Variants in UGGT2 observed in about 807,000 individuals in gnomAD.
UGGT2 encodes the protein UDP-glucose glycoprotein glucosyltransferase 2, also known as UDP-glucose:glycoprotein glucosyltransferase 2.
In UGGT2, 180 loss-of-function variants were observed where a neutral mutation model predicts 192.1. That is an observed-to-expected ratio of 0.94 (90% CI 0.83 to 1.06). The LOEUF (loss-of-function observed/expected upper bound fraction) is 1.06. UGGT2 is among the 50% of genes least tolerant of loss of function. The pLI is 0.00. For synonymous variants in UGGT2, 580 were observed against 591.0 expected (o/e 0.98, Z 0.27); for missense variants, 1,849 against 1,795.7 (o/e 1.03, Z -0.54).
intron 1 of UGGT2, among the ~76,000 whole-genome samples, chr13:96,050,867 C>G (rs1406914943): frequency 6.6e-6 from 1 of 152,180 alleles, no homozygotes; most frequent in African/African-American, 2.4e-5. Flanking sequence ...AATAGGGACA[C>G]TTTTACACTG....
chr13:96,050,834 A>G (rs1350227141), intron 1 of UGGT2, among the ~76,000 whole-genome samples: 1 of 152,210 alleles, frequency 6.6e-6, no homozygotes, highest in Non-Finnish European at 1.5e-5. Flanking sequence ...AGGAAACAAC[A>G]GGTGCTGGAG....
rs565296622 is a variant in UGGT2 at position 95,989,228 on chromosome 13, TTATAG to T, written c.931+740_931+744del. Among the ~76,000 whole-genome samples, 228 of 152,282 alleles carry T rather than the reference TTATAG, an allele frequency of 1.5e-3. 1 individual carries two copies. The highest frequency in any genetic ancestry group is 5.3e-3 in the African/African-American group (222 of 41,586). On this transcript the variant is annotated intron_variant, in intron 8 of 38. Coordinates refer to ENST00000376747, the MANE Select transcript of UGGT2 (RefSeq NM_020121.4). ...GAACGTATTAGTATGAATAGTATTA[TTATAG>T]TAATGTCATTATTTACATCACTAAT...
intron 5 of UGGT2, among the ~76,000 whole-genome samples, chr13:96,005,342 C>T (rs867066954): frequency 2.6e-5 from 4 of 152,134 alleles, no homozygotes; most frequent in African/African-American, 9.7e-5. Flanking sequence ...TGTGGGCTAA[C>T]GTGAGAGTGT....
At chr13:95,916,279 A>C (rs1030308367) in intron 20 of UGGT2, among the ~76,000 whole-genome samples, 8 of 152,334 alleles carry the variant, frequency 5.3e-5, no homozygotes, top group African/African-American at 1.9e-4. Context: ...TAGGGTCTGG[A>C]GTGAACCCTC....
At chr13:95,926,292 T>G (rs1306828409) in intron 19 of UGGT2, among the ~76,000 whole-genome samples, 1 of 152,144 alleles carries the variant, frequency 6.6e-6, no homozygotes, top group Admixed American at 6.5e-5. Flanking sequence ...TTACAAGAAC[T>G]GGTTGTGTGG....
At chr13:95,907,124 C>T (rs951778629) in intron 20 of UGGT2, among the ~76,000 whole-genome samples, 1 of 152,240 alleles carries the variant, frequency 6.6e-6, no homozygotes, top group African/African-American at 2.4e-5. Context: ...CCCGACACGG[C>T]AGGTCCCACA....
intron 5 of UGGT2, among the ~76,000 whole-genome samples, chr13:96,011,762 T>C (rs1035550912): frequency 6.6e-6 from 1 of 152,108 alleles, no homozygotes; most frequent in South Asian, 2.1e-4. Flanking sequence ...TGACTCTGTG[T>C]GATTGTTGAA....
chr13:95,846,755 G>GTTA (rs986655869), intron 36 of UGGT2, among the ~76,000 whole-genome samples: 24 of 152,192 alleles, frequency 1.6e-4, no homozygotes, highest in African/African-American at 5.8e-4. Flanking sequence ...TGTTATTCAG[G>GTTA]TTACCTATTT....
rs1485674461 is a variant in UGGT2 at position 95,996,088 on chromosome 13, G to C, written c.805C>G (p.Gln269Glu). 6.2e-7 allele frequency: 1 copy of C among 1,613,354 alleles called. No homozygotes were observed. Among genetic ancestry groups the C allele is most frequent in the African/African-American group, 1.3e-5 (1 of 74,838 alleles). The change falls in exon 7 of 39, where the codon CAA becomes GAA. Residue 269 changes from glutamine (Q) to glutamate (E), a missense_variant. Physicochemically the swap from Gln to Glu is conservative, Grantham distance 29 (BLOSUM62 2). Coordinates refer to ENST00000376747, the MANE Select transcript of UGGT2 (RefSeq NM_020121.4). ...VEDETETNEVQGFLFGKLKEI... is the reference protein window; with the variant it reads ...VEDETETNEVEGFLFGKLKEI... ...TTTAGTTTCCCAAAGAGAAATCCTT[G>C]AACTTCATTTGTTTCAGTCTCATCC...
chr13:95,996,179 A>C, intron 6 of UGGT2, 44 bp from the exon 7 acceptor site: 2 of 1,537,120 alleles, frequency 1.3e-6, no homozygotes, highest in Non-Finnish European at 1.8e-6. Context: ...AAATATTTTC[A>C]GACTGGGAAA....
intron 17 of UGGT2, 134 bp from the exon 18 acceptor site, chr13:95,927,470 CTTTTTT>C: frequency 8.3e-6 from 2 of 242,410 alleles, no homozygotes; most frequent in Non-Finnish European, 1.3e-5. Flanking sequence ...CATTTTCTTT[CTTTTTT>C]TTTTTTTTTT....
rs1165663103 is a variant in UGGT2, at chr13:95,837,017, A to G, written c.4401+69T>C. On this transcript the variant is annotated intron_variant, in intron 37 of 38. Transcript: ENST00000376747. ...ACGTATGCCACTCCCTTTGTAAAAC[A>G]GAAAGAAAATATTTCTATTTAAACA... 10 of 1,231,674 alleles carry G rather than the reference A, an allele frequency of 8.1e-6. No homozygotes were observed. In the Admixed American group the frequency reaches 1.2e-4, roughly 15 times the overall value. The allele number at this position is 1,231,674 out of a possible 1,614,324, so 76.3% of individuals were successfully genotyped here. A position where few individuals can be genotyped will look rare whatever the true frequency, so the allele number is the denominator to read the frequency against.
intron 5 of UGGT2, among the ~76,000 whole-genome samples, chr13:96,000,782 T>G (rs934656626): frequency 6.6e-6 from 1 of 152,170 alleles, no homozygotes; most frequent in African/African-American, 2.4e-5. Flanking sequence ...CATTTGGAAG[T>G]GTGTTGATAT....
rs531891251 is a variant in UGGT2, at chr13:96,007,455, A to G, written c.660+5852T>C. Among the ~76,000 whole-genome samples the G allele has an allele frequency of 3.9e-5, 6 of 152,334 alleles. No homozygotes were observed. The South Asian group carries it at 1.0e-3, about 26-fold the overall frequency. On this transcript the variant is annotated intron_variant, in intron 5 of 38. Coordinates refer to ENST00000376747, the MANE Select transcript of UGGT2 (RefSeq NM_020121.4). ...TAATACTAGAAGCCTTAGCCAGAGT[A>G]ATAAGGCAAGAGAAATAAATAAAGG...
At chr13:95,988,934 ATAT>A (rs1340840544) in intron 8 of UGGT2, among the ~76,000 whole-genome samples, 1 of 152,166 alleles carries the variant, frequency 6.6e-6, no homozygotes, top group African/African-American at 2.4e-5. Context: ...GAAATATAAA[ATAT>A]TATTTGTATG....
chr13:95,997,412 C>G (rs1475571474), intron 6 of UGGT2, among the ~76,000 whole-genome samples: 1 of 152,104 alleles, frequency 6.6e-6, no homozygotes, highest in Non-Finnish European at 1.5e-5. Flanking sequence ...CTTTGGGAGG[C>G]TGAGGTGGGT....
At chr13:95,902,324 C>T (rs774276314) in intron 21 of UGGT2, among the ~76,000 whole-genome samples, 18 of 152,080 alleles carry the variant, frequency 1.2e-4, no homozygotes, top group Non-Finnish European at 2.4e-4. Context: ...AGCTAATGAC[C>T]TGACTTTTGG....
At chr13:96,018,434 T>C (rs896455792) in intron 4 of UGGT2, among the ~76,000 whole-genome samples, 1 of 152,150 alleles carries the variant, frequency 6.6e-6, no homozygotes, top group African/African-American at 2.4e-5. Context: ...AAGTACAACT[T>C]GAGCCTGGGA....
intron 1 of UGGT2, among the ~76,000 whole-genome samples, chr13:96,038,307 G>C (rs1041306937): frequency 6.6e-6 from 1 of 152,174 alleles, no homozygotes; most frequent in Non-Finnish European, 1.5e-5. Context: ...TAACAACAGA[G>C]ATTAGCATAT....
Sources: gnomAD v4.1 joint callset for allele counts (sites outside exome capture counted in the v4.1 genomes callset) on GRCh38, gnomAD v4.1.1 for gene constraint, MANE v1.5 for transcripts, NCBI Gene and HGNC (gene_info 2026-07-23, HGNC 2026-07-21) for gene names.